CAMTA1: variants seen among roughly 807,000 people sequenced by gnomAD.
The protein encoded by CAMTA1 is calmodulin binding transcription activator 1.
Under a neutral mutation model 170.9 loss-of-function variants are expected in CAMTA1, and 27 were observed. The ratio of observed to expected loss-of-function variants is 0.16; its 90% CI spans 0.12 to 0.22. The LOEUF is 0.22. Ranked by LOEUF, CAMTA1 falls within the 10% of genes least tolerant of loss-of-function variation. The pLI, the probability that CAMTA1 is intolerant of heterozygous loss-of-function variation, is 1.00. For missense variants in CAMTA1, 1,619 were observed against 2,217.2 expected, an observed-to-expected ratio of 0.73 and a Z score of 5.42; for synonymous variants, 833 against 891.5, an observed-to-expected ratio of 0.93 and a Z score of 1.17.
intron 5 of CAMTA1, among the ~76,000 whole-genome samples, chr1:7,378,786 CGAG>C (rs2087042863): frequency 6.6e-6 from 1 of 152,032 alleles, no homozygotes; most frequent in Non-Finnish European, 1.5e-5. Flanking sequence ...AATCGGAGAC[CGAG>C]TCAGAGGCCG....
chr1:7,081,743 C>T (rs188478120), intron 3 of CAMTA1, among the ~76,000 whole-genome samples: 5 of 152,318 alleles, frequency 3.3e-5, no homozygotes, highest in East Asian at 1.9e-4. Context: ...AGCTTCTCAG[C>T]GCCAAGCAGT....
At chr1:7,075,862 C>T (rs1639229844) in intron 3 of CAMTA1, among the ~76,000 whole-genome samples, 1 of 152,040 alleles carries the variant, frequency 6.6e-6, no homozygotes, top group Non-Finnish European at 1.5e-5. Flanking sequence ...GGGGTTTCGT[C>T]ATGTTGGCCA....
chr1:6,854,053 C>T (rs770722223), intron 3 of CAMTA1, among the ~76,000 whole-genome samples: 3 of 152,136 alleles, frequency 2.0e-5, no homozygotes, highest in Non-Finnish European at 4.4e-5. Context: ...ACAAACTTGA[C>T]CTAATTGAAA....
In CAMTA1 at chr1:7,113,478, G is replaced by A. The variant is rs1644184041; in HGVS notation, c.302+22107G>A. On this transcript the variant is annotated intron_variant, in intron 4 of 22. Coordinates refer to ENST00000303635, the MANE Select transcript of CAMTA1 (RefSeq NM_015215.4). This position sits in a 1 kb window ranked among gnomAD's most constrained non-coding sequence, Gnocchi z 4.5. The stretch of plus-strand genomic sequence containing the variant: ...GGATCTAGGGGCCAGAGTGGCTCCC[G>A]GTCAGTGTCTAGGAATGGAGAGGGA... Among the ~76,000 whole-genome samples, 2 of 152,184 alleles carry A rather than the reference G, an allele frequency of 1.3e-5. No homozygotes were observed. Among genetic ancestry groups the A allele is most frequent in the Non-Finnish European group, 2.9e-5 (2 of 68,036 alleles).
rs1292035654 is a variant in CAMTA1 at position 7,065,188 on chromosome 1, TCATCAACAA to T, written c.235-26111_235-26103del. Among the ~76,000 whole-genome samples, 1 of 152,048 alleles carries T rather than the reference TCATCAACAA, an allele frequency of 6.6e-6. No homozygotes were observed. The highest frequency in any genetic ancestry group is 1.5e-5 in the Non-Finnish European group (1 of 68,012). On this transcript the variant is annotated intron_variant, in intron 3 of 22. Coordinates refer to ENST00000303635, the MANE Select transcript of CAMTA1 (RefSeq NM_015215.4). The surrounding 1 kb of genome is among the most constrained non-coding windows in gnomAD (Gnocchi z 5.2). Reference sequence around the variant, plus strand: ...TAGGCTTGAGACCTGAGTTTGTAAGTCATCAACAACATCTGGCAGGGCTCAGGCACTTAG... The same window carrying T: ...TAGGCTTGAGACCTGAGTTTGTAAGTCATCTGGCAGGGCTCAGGCACTTAG...
chr1:7,565,472 G>C lies in CAMTA1; in HGVS notation c.511-74928G>C, dbSNP rs567330449. On this transcript the variant is annotated intron_variant, in intron 6 of 22. Transcript: ENST00000303635. The surrounding 1 kb of genome is among the most constrained non-coding windows in gnomAD (Gnocchi z 4.5). Reference sequence around the variant, plus strand: ...TGGTAGAGTGAAGAGGCCAGGAACAGAGGGCTTGGCTGAGTGTCCACATCA... The same window carrying C: ...TGGTAGAGTGAAGAGGCCAGGAACACAGGGCTTGGCTGAGTGTCCACATCA... Among the ~76,000 whole-genome samples, 4 of 152,322 alleles carry C rather than the reference G, an allele frequency of 2.6e-5. No individual in the cohort carries two copies. In the South Asian group the frequency reaches 8.3e-4, roughly 32 times the overall value.
chr1:6,999,491 C>T lies in CAMTA1; in HGVS notation c.235-91813C>T, dbSNP rs150865710. On this transcript the variant is annotated intron_variant, in intron 3 of 22. Coordinates refer to ENST00000303635, the MANE Select transcript of CAMTA1 (RefSeq NM_015215.4). ...CTCTGCCTGTCAGGCTCGGGTGATC[C>T]TCCTATCTCAGTCTCCCAAGTAGTT... Among the ~76,000 whole-genome samples the T allele has an allele frequency of 3.2e-3, 485 of 152,246 alleles. 4 individuals carry two copies. The highest frequency in any genetic ancestry group is 0.011 in the African/African-American group (462 of 41,530).
At chr1:7,084,783 C>T (rs1011190561) in intron 3 of CAMTA1, among the ~76,000 whole-genome samples, 3 of 152,164 alleles carry the variant, frequency 2.0e-5, no homozygotes, top group Non-Finnish European at 4.4e-5. Flanking sequence ...ACCTGAGACA[C>T]GGCTGAGCCC....
At chr1:7,420,164 C>T (rs1238234352) in intron 5 of CAMTA1, among the ~76,000 whole-genome samples, 4 of 152,130 alleles carry the variant, frequency 2.6e-5, no homozygotes, top group African/African-American at 9.7e-5. Flanking sequence ...ACGCGTGCCC[C>T]TCCTTTGGCC....
At chr1:7,160,021 A>C (rs1249117759) in intron 4 of CAMTA1, among the ~76,000 whole-genome samples, 1 of 152,162 alleles carries the variant, frequency 6.6e-6, no homozygotes, top group Non-Finnish European at 1.5e-5. Flanking sequence ...AGGCTGAGGT[A>C]GGCAGATCAC....
chr1:7,399,577 A>G (rs1476050128), intron 5 of CAMTA1, among the ~76,000 whole-genome samples: 48 of 152,346 alleles, frequency 3.2e-4, no homozygotes, highest in East Asian at 1.9e-4. Context: ...CCGTGAGATT[A>G]TGCTTTCATA....
chr1:7,270,234 CAT>C (rs200909775), intron 5 of CAMTA1, among the ~76,000 whole-genome samples: 3,571 of 80,508 alleles, frequency 0.044, 69 homozygotes, highest in East Asian at 0.089. Flanking sequence ...TATATATACA[CAT>C]ATATACATAC....
chr1:7,608,310 G>A (rs1411544088), intron 6 of CAMTA1, among the ~76,000 whole-genome samples: 1 of 152,240 alleles, frequency 6.6e-6, no homozygotes, highest in Non-Finnish European at 1.5e-5. Flanking sequence ...GAGAGGCAAG[G>A]AGGTGCTGCC....
chr1:7,488,064 C>A (rs2093640870), intron 6 of CAMTA1, among the ~76,000 whole-genome samples: 1 of 152,198 alleles, frequency 6.6e-6, no homozygotes, highest in South Asian at 2.1e-4. Context: ...TGCAGTCTCT[C>A]TGGAATCTTG....
chr1:6,820,506 A>G (rs1397585060), intron 2 of CAMTA1, among the ~76,000 whole-genome samples: 1 of 152,202 alleles, frequency 6.6e-6, no homozygotes, highest in Non-Finnish European at 1.5e-5. Flanking sequence ...CACTTAACAA[A>G]TGTTTGATAC....
chr1:7,103,951 G>A lies in CAMTA1; in HGVS notation c.302+12580G>A, dbSNP rs549467262. On this transcript the variant is annotated intron_variant, in intron 4 of 22. Transcript: ENST00000303635. Reference sequence around the variant, plus strand: ...ACAACTACACACATACAGCACACACGTACATACAACTACACACACGCACAC... The same window carrying A: ...ACAACTACACACATACAGCACACACATACATACAACTACACACACGCACAC... 4.8e-4 allele frequency among the ~76,000 whole-genome samples: 55 copies of A among 115,256 alleles called. 2 individuals are homozygous for A. The South Asian group carries it at 0.013, about 27-fold the overall frequency. 75.6% of individuals were successfully genotyped at this position (115,256 alleles called of 152,430 possible). A position where few individuals can be genotyped will look rare whatever the true frequency, so the allele number is the denominator to read the frequency against.
chr1:7,487,931 T>C (rs1443214214), intron 6 of CAMTA1, among the ~76,000 whole-genome samples: 1 of 152,128 alleles, frequency 6.6e-6, no homozygotes, highest in Non-Finnish European at 1.5e-5. Context: ...GGGAGCATCT[T>C]AGCCATTCCC....
At chr1:7,739,683 A>C (rs2096796961) in intron 16 of CAMTA1, among the ~76,000 whole-genome samples, 1 of 152,204 alleles carries the variant, frequency 6.6e-6, no homozygotes, top group Admixed American at 6.5e-5. Flanking sequence ...AAACCATCAG[A>C]TCTCAAGAGC....
rs1009997036 is a variant in CAMTA1, at chr1:7,642,128, C to T, written c.664+1575C>T. On this transcript the variant is annotated intron_variant, in intron 7 of 22. Coordinates refer to ENST00000303635, the MANE Select transcript of CAMTA1 (RefSeq NM_015215.4). This position sits in a 1 kb window ranked among gnomAD's most constrained non-coding sequence, Gnocchi z 6.3. ...CTCCCACCACCCAGCTGGGCCTTCA[C>T]ACCCCTGTGCCCTGGCCTCCTCGAG... is the stretch of plus-strand genomic sequence containing the variant. Among the ~76,000 whole-genome samples, 5 of 152,176 alleles carry T rather than the reference C, an allele frequency of 3.3e-5. No individual in the cohort carries two copies. The highest frequency in any genetic ancestry group is 9.7e-5 in the African/African-American group (4 of 41,446).
Sources: gnomAD v4.1 joint callset for allele counts (sites outside exome capture counted in the v4.1 genomes callset) on GRCh38, gnomAD v4.1.1 for gene constraint, Gnocchi (gnomAD v3.1) non-coding constraint, MANE v1.5 for transcripts, NCBI Gene and HGNC (gene_info 2026-07-23, HGNC 2026-07-21) for gene names.